Variants in ADGRB3 observed in about 807,000 individuals in gnomAD.
The protein encoded by ADGRB3 is adhesion G protein-coupled receptor B3.
Under a neutral mutation model 193.4 loss-of-function variants are expected in ADGRB3, and 37 were observed. That is an observed-to-expected ratio of 0.19 (90% CI 0.15 to 0.25). The LOEUF (loss-of-function observed/expected upper bound fraction) is 0.25. Among genes scored for constraint, ADGRB3 ranks in the 10% least tolerant of loss-of-function variants. ADGRB3 has a pLI of 1.00. For missense variants in ADGRB3, 1,637 were observed against 1,852.9 expected (o/e 0.88, Z 2.14); for synonymous variants, 690 against 644.2 (o/e 1.07, Z -1.08).
chr6:68,760,411 T>G (rs1354041536), intron 3 of ADGRB3, among the ~76,000 whole-genome samples: 1 of 152,186 alleles, frequency 6.6e-6, no homozygotes, highest in Non-Finnish European at 1.5e-5. Flanking sequence ...TAGAAATGTA[T>G]GGGAGGTTAA....
At chr6:69,303,930 G>A (rs1012193281) in intron 20 of ADGRB3, among the ~76,000 whole-genome samples, 1 of 151,850 alleles carries the variant, frequency 6.6e-6, no homozygotes, top group South Asian at 2.1e-4. Flanking sequence ...ACCACAGAGT[G>A]CTTTCTAGAA....
At chr6:68,709,337 G>A (rs184974722) in intron 3 of ADGRB3, among the ~76,000 whole-genome samples, 1 of 152,174 alleles carries the variant, frequency 6.6e-6, no homozygotes, top group Admixed American at 6.5e-5. Flanking sequence ...GGTAAAATGT[G>A]TATTAAGCTC....
At chr6:68,858,592 C>CA (rs11458724) in intron 3 of ADGRB3, among the ~76,000 whole-genome samples, 13,279 of 93,364 alleles carry the variant, frequency 0.14, 2,645 homozygotes, top group African/African-American at 0.46. Flanking sequence ...GACCCTGACT[C>CA]AAAAAAAAAA....
intron 13 of ADGRB3, among the ~76,000 whole-genome samples, chr6:69,027,105 A>G (rs564810574): frequency 3.2e-4 from 49 of 152,282 alleles, no homozygotes; most frequent in African/African-American, 8.9e-4. Flanking sequence ...GACTCTTGTA[A>G]TAATACATTG....
At chr6:68,930,080 G>A (rs1263954549) in intron 3 of ADGRB3, among the ~76,000 whole-genome samples, 3 of 150,106 alleles carry the variant, frequency 2.0e-5, no homozygotes, top group South Asian at 2.1e-4. Context: ...AAAAAAAAAA[G>A]GTAGTCTATT....
At chr6:68,790,512 G>C (rs1040253918) in intron 3 of ADGRB3, among the ~76,000 whole-genome samples, 1 of 152,122 alleles carries the variant, frequency 6.6e-6, no homozygotes, top group Admixed American at 6.5e-5. Context: ...CCTGACCCCC[G>C]AGTAGCCTAA....
At chr6:69,227,575 T>G (rs1290663491) in intron 17 of ADGRB3, among the ~76,000 whole-genome samples, 1 of 152,200 alleles carries the variant, frequency 6.6e-6, no homozygotes, top group Non-Finnish European at 1.5e-5. Flanking sequence ...TCTGGGATAA[T>G]TTGTAGAACT....
chr6:69,326,013 G>A (rs192707206), intron 21 of ADGRB3, among the ~76,000 whole-genome samples: 4 of 152,264 alleles, frequency 2.6e-5, no homozygotes, highest in African/African-American at 4.8e-5. Context: ...ACCTGAGCGC[G>A]GGTGGACTAC....
intron 27 of ADGRB3, among the ~76,000 whole-genome samples, chr6:69,355,564 G>T (rs1192898851): frequency 2.0e-5 from 3 of 152,144 alleles, no homozygotes; most frequent in Non-Finnish European, 4.4e-5. Context: ...TCAGTTTCCA[G>T]ACTGAAGATG....
chr6:68,669,730 C>A (rs1444869467), intron 3 of ADGRB3, among the ~76,000 whole-genome samples: 1 of 151,168 alleles, frequency 6.6e-6, no homozygotes. Context: ...ATAAACAGTC[C>A]TGCAACAAAC....
chr6:68,861,012 C>T (rs547641020), intron 3 of ADGRB3, among the ~76,000 whole-genome samples: 3 of 152,070 alleles, frequency 2.0e-5, no homozygotes, highest in South Asian at 2.1e-4. Context: ...TTAAACTCAT[C>T]GATCTATCTT....
intron 3 of ADGRB3, among the ~76,000 whole-genome samples, chr6:68,881,068 T>C (rs1765717080): frequency 6.6e-6 from 1 of 152,160 alleles, no homozygotes; most frequent in African/African-American, 2.4e-5. Flanking sequence ...AGGTAAGTAC[T>C]ATGCTCTAGG....
At chr6:68,879,213 C>CTTTTTTTTTTTTTTT (rs529789046) in intron 3 of ADGRB3, among the ~76,000 whole-genome samples, 3 of 91,916 alleles carry the variant, frequency 3.3e-5, no homozygotes, top group South Asian at 3.8e-4. Flanking sequence ...CTTTTTGTCG[C>CTTTTTTTTTTTTTTT]TTTTTTTTTT....
chr6:69,041,708 G>A (rs143172348), intron 13 of ADGRB3, among the ~76,000 whole-genome samples: 1 of 152,116 alleles, frequency 6.6e-6, no homozygotes, highest in East Asian at 1.9e-4. Flanking sequence ...GGGCTCAAGG[G>A]ATCCACCCGC....
intron 8 of ADGRB3, among the ~76,000 whole-genome samples, chr6:68,965,768 G>A (rs1220041259): frequency 1.3e-5 from 2 of 152,076 alleles, no homozygotes; most frequent in Non-Finnish European, 2.9e-5. Flanking sequence ...GATGAACAAA[G>A]TTACTATTCC....
chr6:69,103,416 T>G (rs1266328202), intron 17 of ADGRB3, among the ~76,000 whole-genome samples: 1 of 152,216 alleles, frequency 6.6e-6, no homozygotes, highest in Non-Finnish European at 1.5e-5. Context: ...AAGTAATTTT[T>G]GTAGATTTAA....
At chr6:69,083,288 T>C (rs1477216196) in intron 17 of ADGRB3, among the ~76,000 whole-genome samples, 1 of 152,216 alleles carries the variant, frequency 6.6e-6, no homozygotes, top group African/African-American at 2.4e-5. Context: ...ATATTTCTTT[T>C]TAGACTAAAG....
At chr6:69,191,501 A>T (rs1385547762) in intron 17 of ADGRB3, among the ~76,000 whole-genome samples, 1 of 152,182 alleles carries the variant, frequency 6.6e-6, no homozygotes, top group Non-Finnish European at 1.5e-5. Flanking sequence ...CTTTTACATG[A>T]TTCACAATTA....
chr6:68,676,025 T>C (rs1769077503), intron 3 of ADGRB3, among the ~76,000 whole-genome samples: 1 of 152,224 alleles, frequency 6.6e-6, no homozygotes, highest in South Asian at 2.1e-4. Flanking sequence ...TTTGCCTCAT[T>C]TTAACATTTG....
Sources: gnomAD v4.1 joint callset for allele counts (sites outside exome capture counted in the v4.1 genomes callset) on GRCh38, gnomAD v4.1.1 for gene constraint, MANE v1.5 for transcripts, NCBI Gene and HGNC (gene_info 2026-07-23, HGNC 2026-07-21) for gene names.